GABRB2: variants seen among roughly 807,000 people sequenced by gnomAD.
GABRB2 encodes the protein gamma-aminobutyric acid type A receptor subunit beta2, also known as gamma-aminobutyric acid receptor subunit beta-2.
In GABRB2, 16 loss-of-function variants were observed where a neutral mutation model predicts 54.7. The observed-to-expected ratio is 0.29, with a 90% CI of 0.20 to 0.44. The LOEUF is 0.44. Among genes scored for constraint, GABRB2 ranks in the 20% least tolerant of loss-of-function variants. The probability of loss-of-function intolerance (pLI) is 1.00; values close to 1 mark genes in which losing one functional copy is unlikely to be tolerated. For missense variants in GABRB2, 355 were observed against 644.0 expected (o/e 0.55, Z 4.86); for synonymous variants, 244 against 233.8 (o/e 1.04, Z -0.40).
chr5:161,505,561 A>T (rs1454322354), intron 3 of GABRB2, among the ~76,000 whole-genome samples: 1 of 152,222 alleles, frequency 6.6e-6, no homozygotes, highest in Non-Finnish European at 1.5e-5. Context: ...TTTACAAAAA[A>T]ATTAATAATA....
intron 3 of GABRB2, among the ~76,000 whole-genome samples, chr5:161,506,415 C>CT (rs1759608147): frequency 6.6e-6 from 1 of 152,084 alleles, no homozygotes; most frequent in Admixed American, 6.6e-5. Flanking sequence ...TGTGTAGGAA[C>CT]TAGCCTAACC....
intron 4 of GABRB2, among the ~76,000 whole-genome samples, chr5:161,430,814 C>T (rs1283175046): frequency 2.0e-5 from 3 of 152,104 alleles, no homozygotes; most frequent in Non-Finnish European, 4.4e-5. Context: ...TTAAACTACT[C>T]TCCCATTCAC....
intron 9 of GABRB2, among the ~76,000 whole-genome samples, chr5:161,314,152 C>T (rs893220473): frequency 2.0e-5 from 3 of 152,220 alleles, no homozygotes; most frequent in South Asian, 2.1e-4. Flanking sequence ...ATCTGAAATC[C>T]TCTGTCACAT....
intron 3 of GABRB2, among the ~76,000 whole-genome samples, chr5:161,505,952 A>T (rs1363829836): frequency 6.6e-6 from 1 of 152,192 alleles, no homozygotes; most frequent in Non-Finnish European, 1.5e-5. Flanking sequence ...AGCCAACGTG[A>T]TAAGTAAGTA....
chr5:161,434,069 C>A (rs182377350), intron 4 of GABRB2, among the ~76,000 whole-genome samples: 1 of 152,024 alleles, frequency 6.6e-6, no homozygotes, highest in African/African-American at 2.4e-5. Context: ...AGAAAAAGCA[C>A]CATGGAAGGA....
intron 7 of GABRB2, among the ~76,000 whole-genome samples, chr5:161,331,968 A>T (rs924050618): frequency 1.3e-5 from 2 of 151,978 alleles, no homozygotes; most frequent in African/African-American, 4.8e-5. Flanking sequence ...GATCGAGACC[A>T]TCCTGGCTAA....
intron 3 of GABRB2, among the ~76,000 whole-genome samples, chr5:161,480,839 C>T (rs1217465461): frequency 1.3e-5 from 2 of 151,892 alleles, no homozygotes; most frequent in African/African-American, 2.4e-5. Flanking sequence ...TTAAGAAATG[C>T]ATAAAAGTTT....
chr5:161,390,508 C>T (rs531003377), intron 5 of GABRB2, among the ~76,000 whole-genome samples: 39 of 152,030 alleles, frequency 2.6e-4, no homozygotes, highest in Middle Eastern at 3.4e-3. Flanking sequence ...TAGTGGAAAA[C>T]CTGTTGATAT....
intron 5 of GABRB2, among the ~76,000 whole-genome samples, chr5:161,379,896 G>A (rs540194407): frequency 6.6e-6 from 1 of 152,196 alleles, no homozygotes. Flanking sequence ...AGAAAATGTG[G>A]TAAAATATGG....
At chr5:161,481,231 T>C (rs1758753296) in intron 3 of GABRB2, among the ~76,000 whole-genome samples, 1 of 152,048 alleles carries the variant, frequency 6.6e-6, no homozygotes, top group Non-Finnish European at 1.5e-5. Context: ...ATATTAGATG[T>C]GGCCACATAA....
At position 161,416,062 on chromosome 5, in the gene GABRB2, G is replaced by A. The variant is rs143314050; in HGVS notation, c.459-5005C>T. ...CAAGCAATCCTCCTACCTGAGCCTT[G>A]TAAGTAGCTGGAACTACAGGTGTGT... On this transcript the variant is annotated intron_variant, in intron 4 of 9. Coordinates refer to ENST00000393959, the MANE Select transcript of GABRB2 (RefSeq NM_001371727.1). Among the ~76,000 whole-genome samples, 640 of 152,158 alleles carry A rather than the reference G, an allele frequency of 4.2e-3. 2 individuals carry two copies. Among genetic ancestry groups the A allele is most frequent in the Admixed American group, 7.9e-3 (120 of 15,286 alleles).
chr5:161,466,716 T>G (rs2113285196), intron 3 of GABRB2, among the ~76,000 whole-genome samples: 1 of 152,134 alleles, frequency 6.6e-6, no homozygotes. Context: ...AGGTTGCATG[T>G]GAGTGGCCTC....
chr5:161,304,462 C>CT (rs1757623269), intron 9 of GABRB2, among the ~76,000 whole-genome samples: 2 of 152,170 alleles, frequency 1.3e-5, no homozygotes, highest in Non-Finnish European at 2.9e-5. Flanking sequence ...GCTAGTATTT[C>CT]TTTTCCACAC....
chr5:161,375,144 CA>C (rs1755253892), intron 5 of GABRB2, among the ~76,000 whole-genome samples: 1 of 152,110 alleles, frequency 6.6e-6, no homozygotes, highest in Non-Finnish European at 1.5e-5. Context: ...AGGGCTCAGA[CA>C]CTAACATACA....
At chr5:161,486,687 G>A (rs1758934731) in intron 3 of GABRB2, among the ~76,000 whole-genome samples, 1 of 151,690 alleles carries the variant, frequency 6.6e-6, no homozygotes, top group Non-Finnish European at 1.5e-5. Flanking sequence ...GTGCCACTCT[G>A]AAAAAGACAG....
chr5:161,406,614 C>T (rs1756354763), intron 5 of GABRB2, among the ~76,000 whole-genome samples: 1 of 151,994 alleles, frequency 6.6e-6, no homozygotes, highest in Non-Finnish European at 1.5e-5. Flanking sequence ...TAACAGACTT[C>T]ATGTGAGCTT....
chr5:161,403,080 C>T (rs1425652547), intron 5 of GABRB2, among the ~76,000 whole-genome samples: 2 of 152,132 alleles, frequency 1.3e-5, no homozygotes, highest in African/African-American at 4.8e-5. Context: ...GACTGGTTCT[C>T]TTTCTCTCCT....
chr5:161,394,495 T>C (rs951904914), intron 5 of GABRB2, among the ~76,000 whole-genome samples: 7 of 151,862 alleles, frequency 4.6e-5, no homozygotes, highest in Admixed American at 1.3e-4. Context: ...AATCACCATA[T>C]TAAGAAAGAA....
At chr5:161,345,917 T>C (rs563400496) in intron 5 of GABRB2, among the ~76,000 whole-genome samples, 1 of 152,246 alleles carries the variant, frequency 6.6e-6, no homozygotes, top group African/African-American at 2.4e-5. Flanking sequence ...AACTGTCAAC[T>C]TGCTAATCCT....
Sources: gnomAD v4.1 joint callset for allele counts (sites outside exome capture counted in the v4.1 genomes callset) on GRCh38, gnomAD v4.1.1 for gene constraint, MANE v1.5 for transcripts, NCBI Gene and HGNC (gene_info 2026-07-23, HGNC 2026-07-21) for gene names.